The following NBPF15 variants were observed in gnomAD, a reference collection of about 807,000 sequenced individuals.
NBPF15 encodes the protein NBPF family member NBPF15.
Under a neutral mutation model 62.2 loss-of-function variants are expected in NBPF15, and 74 were observed. The ratio of observed to expected loss-of-function variants is 1.19; its 90% CI spans 0.99 to 1.44. The LOEUF (loss-of-function observed/expected upper bound fraction) is 1.44. Ranked by LOEUF, NBPF15 falls within the 40% of genes most tolerant of loss-of-function variation. The probability of loss-of-function intolerance (pLI) is 0.00; values close to 1 mark genes in which losing one functional copy is unlikely to be tolerated. For missense variants in NBPF15, 790 were observed against 550.0 expected, an observed-to-expected ratio of 1.44 and a Z score of -4.36; for synonymous variants, 244 against 209.7, an observed-to-expected ratio of 1.16 and a Z score of -1.41.
chr1:144,435,086 G>A lies in NBPF15; in HGVS notation c.772+25C>T, dbSNP rs1464017305. ...TCTTCCTCAGCCTAGAGAGAGGTAT[G>A]AGACACAAGGAAAACAGAGGCTACC... On this transcript the variant is annotated intron_variant, in intron 12 of 21. Coordinates refer to ENST00000581897, the MANE Select transcript of NBPF15 (RefSeq NM_001385408.1). 4 of 1,612,032 alleles carry A rather than the reference G, an allele frequency of 2.5e-6. No individual in the cohort carries two copies. In the African/African-American group the frequency reaches 5.3e-5, roughly 22 times the overall value.
rs777688641 is a variant in NBPF15 at position 144,455,235 on chromosome 1, AGAG to A, written c.-432+1299_-432+1301del. On this transcript the variant is annotated intron_variant, in intron 4 of 21. Transcript: ENST00000581897. ...AGGGAAGGAGGGAGGGAAAGAATAA[AGAG>A]AGAGAGAAAAAGAGTGGGAGAGAAG... 5.3e-5 allele frequency among the ~76,000 whole-genome samples: 8 copies of A among 150,040 alleles called. No homozygotes were observed. In the South Asian group the frequency reaches 6.4e-4, roughly 12 times the overall value.
intron 16 of NBPF15, among the ~76,000 whole-genome samples, 185 bp from the exon 17 acceptor site, chr1:144,427,283 AAC>A (rs1417926358): frequency 7.0e-6 from 1 of 142,638 alleles, no homozygotes; most frequent in Non-Finnish European, 1.5e-5. Context: ...TTGTCCCAGA[AAC>A]TGTGGGTAAA....
rs1666972820 is a variant in NBPF15, at chr1:144,423,229, T to A, written c.1797A>T (p.Glu599Asp). 6.2e-7 allele frequency: 1 copy of A among 1,611,456 alleles called. No individual in the cohort carries two copies. Among genetic ancestry groups the A allele is most frequent in the Admixed American group, 1.7e-5 (1 of 59,960 alleles). Residue 599 changes from glutamate to aspartate, a missense_variant, in exon 22 of 22, where the codon GAA becomes GAT. Transcript: ENST00000581897. ...GTGAGTCCTGTAAGACTTCAGGCTC[T>A]TCCACTTCCATCAGCACGCCGTAGA... Reference protein sequence around the residue: ...PRLYGVLMEVEEPEVLQDSLD... With the variant: ...PRLYGVLMEVDEPEVLQDSLD...
intron 20 of NBPF15, among the ~76,000 whole-genome samples, chr1:144,424,458 A>T (rs1321642577): frequency 6.6e-6 from 1 of 152,006 alleles, no homozygotes; most frequent in Non-Finnish European, 1.5e-5. Context: ...ATGAGAGTAG[A>T]ATCAGAGTGC....
intron 13 of NBPF15, among the ~76,000 whole-genome samples, chr1:144,433,434 A>G (rs1675967475): frequency 6.6e-6 from 1 of 151,052 alleles, no homozygotes; most frequent in South Asian, 2.1e-4. Context: ...AGCAGAAGAC[A>G]AGAAGTAACT....
intron 8 of NBPF15, among the ~76,000 whole-genome samples, chr1:144,438,970 T>C (rs1680814121): frequency 6.6e-6 from 1 of 151,638 alleles, no homozygotes; most frequent in Non-Finnish European, 1.5e-5. Flanking sequence ...TTTTTATTCT[T>C]ATTTTTATTT....
chr1:144,451,328 C>T (rs1412932590), intron 4 of NBPF15, among the ~76,000 whole-genome samples: 5 of 151,718 alleles, frequency 3.3e-5, no homozygotes, highest in South Asian at 2.1e-4. Flanking sequence ...TACAATCGGG[C>T]TTTACACCGA....
Position 144,426,333 on chromosome 1 carries a change from G to C in NBPF15, c.1383C>G (p.Ser461Arg). 1 of 778,094 alleles carries C rather than the reference G, an allele frequency of 1.3e-6. No homozygotes were observed. The allele number at this position is 778,094 out of a possible 1,614,324, so 48.2% of individuals were successfully genotyped here. A position where few individuals can be genotyped will look rare whatever the true frequency, so the allele number is the denominator to read the frequency against. The change falls in exon 18 of 22, where the codon AGC becomes AGG. Residue 461 changes from serine (S) to arginine (R), a missense_variant. Transcript: ENST00000581897. ...LELPDLGQPY[S>R]SAVYSLEEQY... Reference sequence around the variant, plus strand: ...GTTCCTCCAATGAGTAAACAGCACTGCTGTAGGGCTGGCCTAAGTCAGGCA... The same window carrying C: ...GTTCCTCCAATGAGTAAACAGCACTCCTGTAGGGCTGGCCTAAGTCAGGCA...
chr1:144,422,797 G>T lies in NBPF15; in HGVS notation c.*216C>A, dbSNP rs1666620404. 4.2e-6 allele frequency: 5 copies of T among 1,195,774 alleles called. No homozygotes were observed. Among genetic ancestry groups the T allele is most frequent in the Non-Finnish European group, 5.8e-6 (5 of 857,202 alleles). The allele number at this position is 1,195,774 out of a possible 1,614,324, so 74.1% of individuals were successfully genotyped here. A position where few individuals can be genotyped will look rare whatever the true frequency, so the allele number is the denominator to read the frequency against. On this transcript the variant is annotated 3_prime_UTR_variant, in exon 22 of 22. Coordinates refer to ENST00000581897, the MANE Select transcript of NBPF15 (RefSeq NM_001385408.1). Reference sequence around the variant, plus strand: ...TGACTGATCACTCCCGGCATGTTCTGCACAGTTATGTGAACGTGTCACACC... The same window carrying T: ...TGACTGATCACTCCCGGCATGTTCTTCACAGTTATGTGAACGTGTCACACC...
At chr1:144,428,744 G>A in intron 14 of NBPF15, 87 bp from the exon 15 acceptor site, 1 of 632,108 alleles carries the variant, frequency 1.6e-6, no homozygotes, top group Non-Finnish European at 2.8e-6. Flanking sequence ...CTAACACAGG[G>A]ACATCAGTCT....
rs5013546 is a variant in NBPF15, at chr1:144,422,794, T to A, written c.*219A>T. The A allele has an allele frequency of 8.6e-6, 10 of 1,167,366 alleles. No individual in the cohort carries two copies. The highest frequency in any genetic ancestry group is 1.5e-5 in the South Asian group (1 of 65,246). The allele number at this position is 1,167,366 out of a possible 1,614,324, so 72.3% of individuals were successfully genotyped here. On this transcript the variant is annotated 3_prime_UTR_variant, in exon 22 of 22. Transcript: ENST00000581897. ...GTCTGACTGATCACTCCCGGCATGT[T>A]CTGCACAGTTATGTGAACGTGTCAC...
chr1:144,430,957 A>G (rs1411168549), intron 13 of NBPF15, among the ~76,000 whole-genome samples: 1 of 152,068 alleles, frequency 6.6e-6, no homozygotes, highest in African/African-American at 2.4e-5. Context: ...AATTCGATCA[A>G]GTGCAAGAAA....
chr1:144,427,086 T>A lies in NBPF15; in HGVS notation c.1226A>T (p.Tyr409Phe). Residue 409 changes from tyrosine to phenylalanine, a missense_variant, in exon 17 of 22, where the codon TAC (tyrosine) becomes TTC (phenylalanine). By Grantham distance (22) the Tyr-to-Phe change is conservative (BLOSUM62 3). Coordinates refer to ENST00000581897, the MANE Select transcript of NBPF15 (RefSeq NM_001385408.1). Reference protein sequence around the residue: ...LAIDMDEIEKYQEVEEDQDPS... With the variant: ...LAIDMDEIEKFQEVEEDQDPS... ...GTCTTGGTCTTCTTCCACTTCTTGG[T>A]ACTTTTCAATTTCTGCAATAAGTTC... 1 of 580,400 alleles carries A rather than the reference T, an allele frequency of 1.7e-6. No individual in the cohort carries two copies. 36.0% of individuals were successfully genotyped at this position (580,400 alleles called of 1,614,324 possible). A position where few individuals can be genotyped will look rare whatever the true frequency, so the allele number is the denominator to read the frequency against.
chr1:144,444,683 T>A (rs1220374171), intron 6 of NBPF15, among the ~76,000 whole-genome samples: 1 of 151,912 alleles, frequency 6.6e-6, no homozygotes, highest in Non-Finnish European at 1.5e-5. Flanking sequence ...AGAAGGTACA[T>A]TAGCTCAGGA....
At chr1:144,438,835 A>G (rs1231288668) in intron 8 of NBPF15, among the ~76,000 whole-genome samples, 18 of 151,670 alleles carry the variant, frequency 1.2e-4, no homozygotes, top group East Asian at 9.8e-4. Context: ...ACAGGCCCAC[A>G]GTCCCTGCTC....
intron 6 of NBPF15, among the ~76,000 whole-genome samples, chr1:144,444,631 T>C (rs1406112171): frequency 2.4e-4 from 37 of 152,096 alleles, no homozygotes; most frequent in African/African-American, 7.5e-4. Context: ...TAATCACTTA[T>C]GTATTTAGAT....
chr1:144,426,877 G>A (rs1670133594), intron 17 of NBPF15, among the ~76,000 whole-genome samples, 170 bp downstream of exon 17: 1 of 147,178 alleles, frequency 6.8e-6, no homozygotes, highest in African/African-American at 2.5e-5. Flanking sequence ...GATAAGGGGA[G>A]GAAGAAATGG....
At position 144,448,798 on chromosome 1, in the gene NBPF15, A is replaced by T; in HGVS notation, c.-214T>A. ...ACCTTGATCCATAGGCTCACATTTG[A>T]TCCCAACTGGCGGCTGCTTCTTGGC... On this transcript the variant is annotated 5_prime_UTR_variant, in exon 6 of 22. Transcript: ENST00000581897. 4.0e-6 allele frequency: 2 copies of T among 499,926 alleles called. No individual in the cohort carries two copies. The highest frequency in any genetic ancestry group is 6.9e-6 in the Non-Finnish European group (2 of 287,884). 31.0% of individuals were successfully genotyped at this position (499,926 alleles called of 1,614,324 possible).
intron 3 of NBPF15, among the ~76,000 whole-genome samples, chr1:144,458,735 C>T (rs1328374188): frequency 6.6e-6 from 1 of 151,926 alleles, no homozygotes; most frequent in Non-Finnish European, 1.5e-5. Context: ...GCAGACACAT[C>T]CATGTAGTAA....
Sources: gnomAD v4.1 joint callset for allele counts (sites outside exome capture counted in the v4.1 genomes callset) on GRCh38, gnomAD v4.1.1 for gene constraint, MANE v1.5 for transcripts, NCBI Gene and HGNC (gene_info 2026-07-23, HGNC 2026-07-21) for gene names.